GRIP2: variants seen among roughly 807,000 people sequenced by gnomAD.
GRIP2 encodes glutamate receptor-interacting protein 2.
In GRIP2, 58 loss-of-function variants were observed where a neutral mutation model predicts 108.3. That is an observed-to-expected ratio of 0.54 (90% CI 0.43 to 0.67). The LOEUF is 0.67. Among genes scored for constraint, GRIP2 ranks in the 30% least tolerant of loss-of-function variants. The pLI is 0.00. For synonymous variants in GRIP2, 586 were observed against 598.2 expected, an observed-to-expected ratio of 0.98 and a Z score of 0.30; for missense variants, 1,278 against 1,430.6, an observed-to-expected ratio of 0.89 and a Z score of 1.72.
At chr3:14,526,367 C>T (rs1199445224) in intron 1 of GRIP2, among the ~76,000 whole-genome samples, 24 of 152,324 alleles carry the variant, frequency 1.6e-4, no homozygotes, top group Admixed American at 1.5e-3. Context: ...GCTGTGCTTA[C>T]ATACCTGCTG....
the GRIP2 span, among the ~76,000 whole-genome samples, chr3:14,585,254 C>T: frequency 2.6e-5 from 4 of 152,240 alleles, no homozygotes; most frequent in South Asian, 4.1e-4. Context: ...AACTCCTGAC[C>T]TCGTGATGCA....
chr3:14,517,494 C>CTTTTTTTTTTTTT (rs146509076), intron 10 of GRIP2, among the ~76,000 whole-genome samples: 1 of 107,754 alleles, frequency 9.3e-6, no homozygotes. Flanking sequence ...ATCTCTCTCT[C>CTTTTTTTTTTTTT]TTTTTTTTTT....
chr3:14,503,198 C>T (rs1399928858), intron 21 of GRIP2, among the ~76,000 whole-genome samples: 2 of 151,818 alleles, frequency 1.3e-5, no homozygotes, highest in Non-Finnish European at 2.9e-5. Context: ...AAAACTGCCC[C>T]GTGTGCCTAC....
chr3:14,598,863 C>T, the GRIP2 span, among the ~76,000 whole-genome samples: 1 of 152,178 alleles, frequency 6.6e-6, no homozygotes, highest in Admixed American at 6.5e-5. Flanking sequence ...TTCCCTCCGC[C>T]TGCCTTGCTT....
At chr3:14,567,706 T>C in the GRIP2 span, among the ~76,000 whole-genome samples, 2 of 152,190 alleles carry the variant, frequency 1.3e-5, no homozygotes, top group African/African-American at 4.8e-5. Flanking sequence ...AAGCATTCAA[T>C]AGTGCCCGTC....
At chr3:14,520,323 A>T (rs770860368) in intron 8 of GRIP2, 44 bp from the exon 9 acceptor site, 7 of 1,611,234 alleles carry the variant, frequency 4.3e-6, no homozygotes, top group Non-Finnish European at 5.9e-6. Context: ...TCCAGGCCAG[A>T]CAAAGCTCTG....
In GRIP2 at chr3:14,512,495, C is replaced by A. The variant is rs1281961650; in HGVS notation, c.1720+282G>T. ...CCCAGCCTAAATATTTGTCACCTTC[C>A]AATGCTCTCTCACCATGGGCACCTC... On this transcript the variant is annotated intron_variant, in intron 14 of 23. Transcript: ENST00000621039. This position sits in a 1 kb window ranked among gnomAD's most constrained non-coding sequence, Gnocchi z 5.1. Among the ~76,000 whole-genome samples the A allele has an allele frequency of 6.6e-6, 1 of 151,770 alleles. No individual in the cohort carries two copies. Among genetic ancestry groups the A allele is most frequent in the Non-Finnish European group, 1.5e-5 (1 of 68,020 alleles).
intron 1 of GRIP2, 188 bp from the exon 2 acceptor site, chr3:14,526,119 T>C: frequency 1.6e-6 from 1 of 626,294 alleles, no homozygotes; most frequent in South Asian, 1.9e-5. Flanking sequence ...GCCTGGCCCC[T>C]GCTCTTGGGG....
upstream of GRIP2, among the ~76,000 whole-genome samples, chr3:14,541,072 G>A (rs889832762): frequency 5.9e-5 from 9 of 152,250 alleles, no homozygotes; most frequent in African/African-American, 1.4e-4. Flanking sequence ...GCTCTGCCCC[G>A]TCCCAGACCC....
Position 14,517,858 on chromosome 3 carries a change from G to C in GRIP2, c.1070C>G (p.Pro357Arg), listed in dbSNP as rs1263788792. The part of the protein sequence containing the change: ...QRSEQLHRWD[P>R]CVPSCHSPRP... ...GGGGCTGTGGCAGGAGGGCACGCAGGGGTCCCAGCGGTGCAGCTGCTCACT... is the reference window on the plus strand; with the variant it reads ...GGGGCTGTGGCAGGAGGGCACGCAGCGGTCCCAGCGGTGCAGCTGCTCACT... Residue 357 changes from proline (P) to arginine (R), a missense_variant, in exon 10 of 24, where the codon CCC becomes CGC. By Grantham distance (103) the Pro-to-Arg change is moderately radical (BLOSUM62 -2). Coordinates refer to ENST00000621039, the MANE Select transcript of GRIP2 (RefSeq NM_001080423.4). 1.9e-6 allele frequency: 3 copies of C among 1,596,578 alleles called. No homozygotes were observed. Among genetic ancestry groups the C allele is most frequent in the Non-Finnish European group, 2.6e-6 (3 of 1,172,342 alleles).
At chr3:14,534,752 G>A (rs188327187) in intron 1 of GRIP2, among the ~76,000 whole-genome samples, 89 of 152,212 alleles carry the variant, frequency 5.8e-4, no homozygotes, top group Admixed American at 2.0e-3. Context: ...CGCTGCAGCC[G>A]GGGTGGGTGG....
the GRIP2 span, among the ~76,000 whole-genome samples, chr3:14,585,206 A>G: frequency 2.6e-5 from 4 of 152,184 alleles, no homozygotes. Context: ...TATTTTTGGT[A>G]GAGATGGGGT....
chr3:14,503,848 G>A (rs1693840262), intron 20 of GRIP2, 177 bp from the exon 21 acceptor site: 1 of 599,988 alleles, frequency 1.7e-6, no homozygotes, highest in Non-Finnish European at 3.0e-6. Context: ...GCAGTGGTTG[G>A]TGACACGGAA....
the GRIP2 span, among the ~76,000 whole-genome samples, chr3:14,597,567 A>T: frequency 1.2e-4 from 18 of 152,182 alleles, 1 homozygote; most frequent in African/African-American, 4.1e-4. Context: ...GGTTTTTTTA[A>T]AAAAAAATTA....
At chr3:14,600,867 T>C in the GRIP2 span, among the ~76,000 whole-genome samples, 1 of 152,158 alleles carries the variant, frequency 6.6e-6, no homozygotes, top group Non-Finnish European at 1.5e-5. Context: ...AAAATTCAAA[T>C]GTGGGGCACC....
chr3:14,537,098 C>T (rs1235591566), intron 1 of GRIP2, among the ~76,000 whole-genome samples: 2 of 152,192 alleles, frequency 1.3e-5, no homozygotes, highest in East Asian at 3.9e-4. Flanking sequence ...ATGGGCCCAC[C>T]CCACCTTGGC....
Position 14,493,585 on chromosome 3 carries a change from C to A in GRIP2, c.*80G>T, listed in dbSNP as rs887687951. 2.8e-6 allele frequency: 4 copies of A among 1,430,356 alleles called. No individual in the cohort carries two copies. Among genetic ancestry groups the A allele is most frequent in the African/African-American group, 1.4e-5 (1 of 70,398 alleles). 88.6% of individuals were successfully genotyped at this position (1,430,356 alleles called of 1,614,324 possible). On this transcript the variant is annotated 3_prime_UTR_variant, in exon 24 of 24. Transcript: ENST00000621039. ...ACCAACAGATGAATGAGTGGGTGGCCGCTTCTCCAGCCCAGCTACGTGTCT... is the reference window on the plus strand; with the variant it reads ...ACCAACAGATGAATGAGTGGGTGGCAGCTTCTCCAGCCCAGCTACGTGTCT...
intron 1 of GRIP2, among the ~76,000 whole-genome samples, chr3:14,530,721 T>C (rs1223103769): frequency 6.6e-6 from 1 of 152,234 alleles, no homozygotes; most frequent in Non-Finnish European, 1.5e-5. Context: ...AAAAAATTTA[T>C]TTTTAATTCT....
chr3:14,553,616 G>A (rs1695187856), intron 1 of GRIP2, among the ~76,000 whole-genome samples: 1 of 152,104 alleles, frequency 6.6e-6, no homozygotes, highest in Non-Finnish European at 1.5e-5. Flanking sequence ...AGGGACCTCC[G>A]CCCAAGTATT....
Sources: allele counts gnomAD v4.1 joint callset (sites outside exome capture counted in the v4.1 genomes callset), GRCh38; gene constraint gnomAD v4.1.1; non-coding constraint Gnocchi (gnomAD v3.1); transcripts MANE v1.5; gene names NCBI Gene and HGNC (gene_info 2026-07-23, HGNC 2026-07-21).